TLK1: variants seen among roughly 807,000 people sequenced by gnomAD.
The protein encoded by TLK1 is serine/threonine-protein kinase tousled-like 1.
In TLK1, 24 loss-of-function variants were observed where a neutral mutation model predicts 105.3. The observed-to-expected ratio is 0.23, with a 90% CI of 0.17 to 0.32. TLK1 has a LOEUF of 0.32. TLK1 is among the 10% of genes least tolerant of loss of function. The pLI, the probability that TLK1 is intolerant of heterozygous loss-of-function variation, is 1.00. For missense variants in TLK1, 558 were observed against 910.5 expected (o/e 0.61, Z 4.98); for synonymous variants, 321 against 310.4 (o/e 1.03, Z -0.36).
intron 2 of TLK1, among the ~76,000 whole-genome samples, chr2:171,095,287 T>A (rs1689405913): frequency 2.7e-5 from 4 of 146,092 alleles, no homozygotes; most frequent in African/African-American, 7.6e-5. Flanking sequence ...CAGAAACAAA[T>A]GAAATAGAGA....
At chr2:171,096,590 C>T (rs1332716402) in intron 2 of TLK1, among the ~76,000 whole-genome samples, 1 of 151,898 alleles carries the variant, frequency 6.6e-6, no homozygotes, top group Non-Finnish European at 1.5e-5. Flanking sequence ...AACTCCATCT[C>T]TACCAAAAAA....
Position 171,050,075 on chromosome 2 carries a change from G to A in TLK1, c.832C>T (p.Leu278Phe). ...AACTTTTAGCCTACCTTTTCAATAAGAAGTTTCTTGCTCATTGATATGCAC... is the reference window on the plus strand; with the variant it reads ...AACTTTTAGCCTACCTTTTCAATAAAAAGTTTCTTGCTCATTGATATGCAC... ...NKCISMSKKL[L>F]IEKSTQEKLS... The change falls in exon 9 of 21, where the codon CTT (leucine) becomes TTT (phenylalanine). Residue 278 changes from leucine (L) to phenylalanine (F), a missense_variant. Transcript: ENST00000431350. 1.2e-6 allele frequency: 2 copies of A among 1,602,848 alleles called. No individual in the cohort carries two copies. Among genetic ancestry groups the A allele is most frequent in the Non-Finnish European group, 1.7e-6 (2 of 1,173,224 alleles).
chr2:170,995,224 AGG>A (rs1014785328), intron 20 of TLK1, among the ~76,000 whole-genome samples: 3 of 152,210 alleles, frequency 2.0e-5, no homozygotes, highest in African/African-American at 7.2e-5. Context: ...AGCAAGGTTA[AGG>A]TTAAGTCTGC....
intron 12 of TLK1, among the ~76,000 whole-genome samples, chr2:171,025,572 T>C (rs1403010422): frequency 6.6e-6 from 1 of 152,166 alleles, no homozygotes; most frequent in Non-Finnish European, 1.5e-5. Context: ...AATATTCAGA[T>C]CCAGCCTATG....
intron 12 of TLK1, 121 bp downstream of exon 12, chr2:171,028,218 A>C: frequency 2.8e-6 from 2 of 706,752 alleles, no homozygotes; most frequent in Non-Finnish European, 4.9e-6. Context: ...TTAATCTGAA[A>C]TTTTTAATTT....
intron 1 of TLK1, among the ~76,000 whole-genome samples, chr2:171,173,612 A>C (rs1221612347): frequency 6.6e-6 from 1 of 151,900 alleles, no homozygotes; most frequent in Non-Finnish European, 1.5e-5. Context: ...GGCTGTTCTC[A>C]AACTCCTGGG....
chr2:171,195,209 T>G lies in TLK1; in HGVS notation c.-6+35936A>C, dbSNP rs188186949. 2.9e-3 allele frequency among the ~76,000 whole-genome samples: 437 copies of G among 152,172 alleles called. 3 individuals are homozygous for G. The highest frequency in any genetic ancestry group is 9.8e-3 in the African/African-American group (408 of 41,536). On this transcript the variant is annotated intron_variant, in intron 1 of 20. Transcript: ENST00000521943. ...CACTAAGAAGAATACAGTACTTGTA[T>G]AAAACATAATCCGGCCGGGCGCGGT... is the stretch of plus-strand genomic sequence containing the variant.
rs200021409 is a variant in TLK1 at position 171,058,142 on chromosome 2, T to C, written c.453+9A>G. 5 of 1,613,382 alleles carry C rather than the reference T, an allele frequency of 3.1e-6. No individual in the cohort carries two copies. The highest frequency in any genetic ancestry group is 3.3e-4 in the Middle Eastern group (2 of 6,056). On this transcript the variant is annotated intron_variant, in intron 5 of 20. Transcript: ENST00000431350. ...ATTAGGAAATGGAGACAATCCTCAA[T>C]GAACTTACTTCAAAATAGTCGCTAA...
intron 1 of TLK1, among the ~76,000 whole-genome samples, chr2:171,208,183 T>C (rs1045950036): frequency 6.6e-6 from 1 of 152,188 alleles, no homozygotes; most frequent in Non-Finnish European, 1.5e-5. Flanking sequence ...AGTATAGAAA[T>C]TAGTATTACT....
At position 171,160,219 on chromosome 2, in the gene TLK1, GGGGGGGGGCGC is replaced by G; in HGVS notation, c.139+60_139+70del. On this transcript the variant is annotated intron_variant, in intron 1 of 20. Transcript: ENST00000431350. This position sits in a 1 kb window ranked among gnomAD's most constrained non-coding sequence, Gnocchi z 4.4. ...GAGAAGCCCCGGGGCGGGGGGGGCGGGGGGGGGGCGCGGGGGTCCGCGGCGCGGGAGAGGAG... is the reference window on the plus strand; with the variant it reads ...GAGAAGCCCCGGGGCGGGGGGGGCGGGGGGGTCCGCGGCGCGGGAGAGGAG... 1 of 1,257,482 alleles carries G rather than the reference GGGGGGGGGCGC, an allele frequency of 8.0e-7. No individual in the cohort carries two copies. Among genetic ancestry groups the G allele is most frequent in the Non-Finnish European group, 1.0e-6 (1 of 994,318 alleles). The allele number at this position is 1,257,482 out of a possible 1,614,324, so 77.9% of individuals were successfully genotyped here. A position where few individuals can be genotyped will look rare whatever the true frequency, so the allele number is the denominator to read the frequency against.
intron 2 of TLK1, among the ~76,000 whole-genome samples, chr2:171,103,451 GAGATGGGGTTGAACTCCTGGCCTCA>G (rs1488700777): frequency 6.6e-6 from 1 of 151,564 alleles, no homozygotes; most frequent in Admixed American, 6.6e-5. Context: ...CTAATTTTTT[GAGATGGGGTTGAACTCCTGGCCTCA>G]AGTGATCCGC....
chr2:171,020,536 TAAAAAAAA>T lies in TLK1; in HGVS notation c.1237-5596_1237-5589del, dbSNP rs894471602. ...GCCTTGGTGACACAGCGAGACTGTC[TAAAAAAAA>T]AAAGAAAAAAAGAAAAAAAAAGCTA... On this transcript the variant is annotated intron_variant, in intron 12 of 20. Coordinates refer to ENST00000431350, the MANE Select transcript of TLK1 (RefSeq NM_012290.5). 2.5e-5 allele frequency among the ~76,000 whole-genome samples: 3 copies of T among 120,082 alleles called. No individual in the cohort carries two copies. In the Admixed American group the frequency reaches 2.7e-4, roughly 11 times the overall value. 78.8% of individuals were successfully genotyped at this position (120,082 alleles called of 152,430 possible).
intron 20 of TLK1, among the ~76,000 whole-genome samples, chr2:170,994,360 T>G (rs528520096): frequency 1.3e-5 from 2 of 152,230 alleles, no homozygotes; most frequent in South Asian, 4.2e-4. Flanking sequence ...CCTACTGACA[T>G]AAAGACTTTC....
chr2:171,202,716 C>A (rs1311417764), intron 1 of TLK1, among the ~76,000 whole-genome samples: 1 of 152,156 alleles, frequency 6.6e-6, no homozygotes, highest in East Asian at 1.9e-4. Context: ...GAGATTGCAC[C>A]ACTGCACTCC....
intron 1 of TLK1, among the ~76,000 whole-genome samples, chr2:171,184,064 AGCTGTGGTCAGAGG>A (rs1196702913): frequency 6.6e-6 from 1 of 152,198 alleles, no homozygotes; most frequent in East Asian, 1.9e-4. Flanking sequence ...AAACTTTCCT[AGCTGTGGTCAGAGG>A]GCGATGTGAC....
chr2:171,157,950 G>A (rs1017174259), intron 1 of TLK1, among the ~76,000 whole-genome samples: 3 of 152,098 alleles, frequency 2.0e-5, no homozygotes, highest in African/African-American at 7.2e-5. Flanking sequence ...AATATTAACG[G>A]TTCTTACTAG....
intron 1 of TLK1, among the ~76,000 whole-genome samples, chr2:171,130,226 A>AC (rs1188460001): frequency 6.6e-6 from 1 of 151,936 alleles, no homozygotes; most frequent in African/African-American, 2.4e-5. Context: ...ACATGGTGAA[A>AC]CCCCCTCTCT....
rs947454971 is a variant in TLK1, at chr2:171,082,817, A to G, written c.294T>C (p.Phe98=). The part of the protein sequence containing the change: ...STNNESSNHS[F]GSLGSLSDKE... ...TGTCACTTAAAGATCCCAAGCTTCC[A>G]AAACTGTGATTAGAGCTTTCGTTAT... is the stretch of plus-strand genomic sequence containing the variant. The change falls in exon 3 of 21, where the codon TTT becomes TTC. Residue 98 remains phenylalanine, a synonymous_variant. Transcript: ENST00000431350. 1.9e-6 allele frequency: 3 copies of G among 1,610,494 alleles called. No homozygotes were observed. Among genetic ancestry groups the G allele is most frequent in the Admixed American group, 3.4e-5 (2 of 59,488 alleles).
chr2:171,002,920 G>A (rs994920022), intron 18 of TLK1, among the ~76,000 whole-genome samples: 45 of 151,970 alleles, frequency 3.0e-4, no homozygotes, highest in African/African-American at 9.9e-4. Context: ...TGGGATTACA[G>A]GCATGAGCCA....
Sources: gnomAD v4.1 joint callset for allele counts (sites outside exome capture counted in the v4.1 genomes callset) on GRCh38, gnomAD v4.1.1 for gene constraint, Gnocchi (gnomAD v3.1) non-coding constraint, MANE v1.5 for transcripts, NCBI Gene and HGNC (gene_info 2026-07-23, HGNC 2026-07-21) for gene names.